TCF20: variants seen among roughly 807,000 people sequenced by gnomAD.
TCF20 encodes the protein transcription factor 20.
In TCF20, 3 loss-of-function variants were observed where a neutral mutation model predicts 148.6. The ratio of observed to expected loss-of-function variants is 0.02; its 90% CI spans 0.01 to 0.05. The LOEUF is 0.05. Ranked by LOEUF, TCF20 falls within the 10% of genes least tolerant of loss-of-function variation. The pLI, the probability that TCF20 is intolerant of heterozygous loss-of-function variation, is 1.00. For synonymous variants in TCF20, 1,049 were observed against 909.5 expected, an observed-to-expected ratio of 1.15 and a Z score of -2.76; for missense variants, 2,350 against 2,429.3, an observed-to-expected ratio of 0.97 and a Z score of 0.69.
At position 42,323,529 on chromosome 22, in the gene TCF20, G is replaced by A. The variant is rs868761243; in HGVS notation, c.-37+19950C>T. On this transcript the variant is annotated intron_variant, in intron 1 of 1. Transcript: ENST00000515426. ...ATCCAGGGGTGGTCTCTAGGAGGAGGTGGCAGCTGACCCGAGCCATGCAGG... is the reference window on the plus strand; with the variant it reads ...ATCCAGGGGTGGTCTCTAGGAGGAGATGGCAGCTGACCCGAGCCATGCAGG... 2.6e-5 allele frequency among the ~76,000 whole-genome samples: 4 copies of A among 151,930 alleles called. No individual in the cohort carries two copies. In the Middle Eastern group the frequency reaches 0.01, roughly 388 times the overall value.
chr22:42,299,760 T>C lies in TCF20; in HGVS notation c.-37+43719A>G, dbSNP rs978076383. 1.3e-5 allele frequency among the ~76,000 whole-genome samples: 2 copies of C among 151,132 alleles called. No individual in the cohort carries two copies. The highest frequency in any genetic ancestry group is 1.3e-4 in the Admixed American group (2 of 15,172). On this transcript the variant is annotated intron_variant, in intron 1 of 1. Transcript: ENST00000515426. This position sits in a 1 kb window ranked among gnomAD's most constrained non-coding sequence, Gnocchi z 4.1. Reference sequence around the variant, plus strand: ...GAGGGAAGTGCAATTAGCAGGTACCTGGAGTGGGGTCGGTAAGAGAGAATA... The same window carrying C: ...GAGGGAAGTGCAATTAGCAGGTACCCGGAGTGGGGTCGGTAAGAGAGAATA...
chr22:42,188,242 G>A (rs1452294213), intron 2 of TCF20, among the ~76,000 whole-genome samples: 1 of 122,244 alleles, frequency 8.2e-6, no homozygotes. Flanking sequence ...TGCAGTGAGC[G>A]AGATCATGCC....
chr22:42,321,061 G>A (rs1293554313), intron 1 of TCF20, among the ~76,000 whole-genome samples: 1 of 152,194 alleles, frequency 6.6e-6, no homozygotes. Context: ...GTCAGGCAAC[G>A]CAGACTTACA....
intron 1 of TCF20, among the ~76,000 whole-genome samples, chr22:42,256,612 T>A (rs1327984572): frequency 6.6e-6 from 1 of 151,978 alleles, no homozygotes; most frequent in Non-Finnish European, 1.5e-5. Context: ...AAGATGAAAA[T>A]CCTATTCCTG....
intron 1 of TCF20, among the ~76,000 whole-genome samples, chr22:42,343,313 A>G (rs1428063815): frequency 1.3e-5 from 2 of 152,128 alleles, no homozygotes; most frequent in Non-Finnish European, 2.9e-5. Flanking sequence ...GCGCGCGATA[A>G]GTGCCAGCCT....
intron 1 of TCF20, among the ~76,000 whole-genome samples, chr22:42,250,016 AG>A (rs1925233897): frequency 6.6e-6 from 1 of 152,114 alleles, no homozygotes; most frequent in Non-Finnish European, 1.5e-5. Context: ...CCCGGCTACT[AG>A]GGAGGCTGAG....
intron 2 of TCF20, among the ~76,000 whole-genome samples, chr22:42,185,796 G>A (rs777146368): frequency 2.2e-4 from 34 of 152,184 alleles, no homozygotes; most frequent in South Asian, 6.2e-4. Flanking sequence ...GTTTCTTCAT[G>A]AAAAGCTCAT....
At chr22:42,229,128 TGAA>T (rs1396893782) in intron 1 of TCF20, among the ~76,000 whole-genome samples, 1 of 151,012 alleles carries the variant, frequency 6.6e-6, no homozygotes, top group Non-Finnish European at 1.5e-5. Flanking sequence ...AAAAGGAGAG[TGAA>T]GAAGTAGGAA....
chr22:42,168,525 A>G (rs1935924267), intron 5 of TCF20, 84 bp downstream of exon 5: 2 of 1,504,726 alleles, frequency 1.3e-6, no homozygotes, highest in East Asian at 2.5e-5. Flanking sequence ...CTGGTGGCAG[A>G]GCATAGAGCG....
chr22:42,260,452 G>A (rs138408812), intron 1 of TCF20, among the ~76,000 whole-genome samples: 1 of 152,150 alleles, frequency 6.6e-6, no homozygotes. Flanking sequence ...GGCAAAAATA[G>A]GGGGTAGGAA....
chr22:42,326,517 T>C (rs375787857), intron 1 of TCF20, among the ~76,000 whole-genome samples: 2 of 152,274 alleles, frequency 1.3e-5, no homozygotes. Context: ...AACTCTCCGC[T>C]CTTCAATCTA....
chr22:42,239,523 C>G (rs540739777), intron 1 of TCF20, among the ~76,000 whole-genome samples: 4 of 151,840 alleles, frequency 2.6e-5, no homozygotes, highest in Admixed American at 6.6e-5. Flanking sequence ...TGTGGTGGCT[C>G]ATGCCTGTAA....
At chr22:42,331,246 G>A (rs562720411) in intron 1 of TCF20, among the ~76,000 whole-genome samples, 25 of 152,252 alleles carry the variant, frequency 1.6e-4, no homozygotes, top group Admixed American at 3.9e-4. Flanking sequence ...CTGACAAGCC[G>A]CTAAGCCACG....
At chr22:42,262,564 A>G (rs1477480861) in intron 1 of TCF20, among the ~76,000 whole-genome samples, 1 of 152,160 alleles carries the variant, frequency 6.6e-6, no homozygotes, top group Non-Finnish European at 1.5e-5. Context: ...GAAGACATCT[A>G]GCTGAAGATG....
chr22:42,233,815 C>T (rs1203553211), intron 1 of TCF20, among the ~76,000 whole-genome samples: 3 of 152,160 alleles, frequency 2.0e-5, no homozygotes, highest in Non-Finnish European at 4.4e-5. Flanking sequence ...TGAACCTCAC[C>T]TCTCACTGAG....
chr22:42,300,774 T>C (rs1422383830), intron 1 of TCF20, among the ~76,000 whole-genome samples: 1 of 152,042 alleles, frequency 6.6e-6, no homozygotes, highest in East Asian at 1.9e-4. Flanking sequence ...CAGGCCTGCC[T>C]CTCTGCCTTT....
At chr22:42,163,530 G>C (rs1423702648) in intron 5 of TCF20, among the ~76,000 whole-genome samples, 2 of 152,244 alleles carry the variant, frequency 1.3e-5, no homozygotes, top group African/African-American at 2.4e-5. Flanking sequence ...AAGCTTTACA[G>C]ATATTATATC....
At chr22:42,256,068 G>T (rs134869) in intron 1 of TCF20, among the ~76,000 whole-genome samples, 1 of 151,654 alleles carries the variant, frequency 6.6e-6, no homozygotes, top group Non-Finnish European at 1.5e-5. Context: ...TCTCTCTCTC[G>T]TCCATCCTTC....
intron 1 of TCF20, among the ~76,000 whole-genome samples, chr22:42,245,756 T>C (rs1924850758): frequency 6.6e-6 from 1 of 152,136 alleles, no homozygotes; most frequent in East Asian, 1.9e-4. Flanking sequence ...TTTCCCTCTC[T>C]ATGGCCAATT....
Sources: gnomAD v4.1 joint callset for allele counts (sites outside exome capture counted in the v4.1 genomes callset) on GRCh38, gnomAD v4.1.1 for gene constraint, Gnocchi (gnomAD v3.1) non-coding constraint, MANE v1.5 for transcripts, NCBI Gene and HGNC (gene_info 2026-07-23, HGNC 2026-07-21) for gene names.